Variants in ANXA8 observed in about 807,000 individuals in gnomAD.
ANXA8 encodes VAC-beta.
In ANXA8, 9 loss-of-function variants were observed where a neutral mutation model predicts 26.8. That is an observed-to-expected ratio of 0.34 (90% CI 0.20 to 0.59). The LOEUF is 0.59. Ranked by LOEUF, ANXA8 falls within the 20% of genes least tolerant of loss-of-function variation. ANXA8 has a pLI of 0.84. For missense variants in ANXA8, 83 were observed against 238.5 expected, an observed-to-expected ratio of 0.35 and a Z score of 4.29; for synonymous variants, 39 against 94.8, an observed-to-expected ratio of 0.41 and a Z score of 3.42.
At chr10:47,690,497 C>G in the ANXA8 span, 1 of 944,084 alleles carries the variant, frequency 1.1e-6, no homozygotes, top group South Asian at 1.6e-5. Context: ...AGGCGGAGTC[C>G]TGTAAATAAA....
At chr10:47,518,745 C>G in the ANXA8 span, among the ~76,000 whole-genome samples, 2 of 133,574 alleles carry the variant, frequency 1.5e-5, no homozygotes, top group African/African-American at 2.9e-5. Flanking sequence ...GTATACAAAC[C>G]TAATTGGACA....
chr10:47,594,260 A>AG, the ANXA8 span, among the ~76,000 whole-genome samples: 1 of 149,296 alleles, frequency 6.7e-6, no homozygotes, highest in East Asian at 1.9e-4. Flanking sequence ...GAGAACTCTG[A>AG]CTAATACAAA....
At chr10:47,679,475 C>A in the ANXA8 span, among the ~76,000 whole-genome samples, 6 of 151,906 alleles carry the variant, frequency 3.9e-5, no homozygotes, top group Admixed American at 3.9e-4. Context: ...GTTAGCTAAG[C>A]ATGGTGGCAC....
At chr10:47,898,811 ATT>A in the ANXA8 span, among the ~76,000 whole-genome samples, 318 of 55,918 alleles carry the variant, frequency 5.7e-3, no homozygotes, top group Admixed American at 8.2e-3. Flanking sequence ...AAGAGAATGG[ATT>A]TTTTTTTTTT....
chr10:47,669,239 T>C, the ANXA8 span, among the ~76,000 whole-genome samples: 1 of 151,234 alleles, frequency 6.6e-6, no homozygotes, highest in African/African-American at 2.4e-5. Flanking sequence ...CAGCCTTCTT[T>C]ATTTAGTGCT....
the ANXA8 span, among the ~76,000 whole-genome samples, chr10:47,515,816 C>T: frequency 1.1e-4 from 14 of 124,044 alleles, 3 homozygotes; most frequent in African/African-American, 3.9e-4. Flanking sequence ...CTGAGGTCTC[C>T]CAAATGAAAA....
chr10:47,967,299 T>C, the ANXA8 span, among the ~76,000 whole-genome samples: 1 of 151,254 alleles, frequency 6.6e-6, no homozygotes, highest in Admixed American at 6.6e-5. Context: ...GCACCCTTAT[T>C]TTTTTATTCA....
the ANXA8 span, among the ~76,000 whole-genome samples, chr10:47,575,225 A>G: frequency 7.0e-6 from 1 of 142,738 alleles, no homozygotes; most frequent in Admixed American, 7.1e-5. Flanking sequence ...AAAAGAAAGA[A>G]AGCAAGCAAG....
the ANXA8 span, among the ~76,000 whole-genome samples, chr10:47,643,553 A>G: frequency 2.0e-5 from 3 of 148,826 alleles, no homozygotes; most frequent in African/African-American, 7.8e-5. Flanking sequence ...TCAATCAATC[A>G]ATCAATAAAA....
At chr10:47,718,051 G>A in the ANXA8 span, among the ~76,000 whole-genome samples, 8 of 150,684 alleles carry the variant, frequency 5.3e-5, no homozygotes, top group South Asian at 8.4e-4. Flanking sequence ...GAGAGCAAGG[G>A]TTGAAAAACT....
chr10:47,628,014 C>G, the ANXA8 span, among the ~76,000 whole-genome samples: 1 of 150,406 alleles, frequency 6.6e-6, no homozygotes, highest in Admixed American at 6.6e-5. Context: ...CAATAATTAT[C>G]TGCTCTCCTA....
chr10:47,942,109 C>A, the ANXA8 span, among the ~76,000 whole-genome samples: 1 of 147,216 alleles, frequency 6.8e-6, no homozygotes, highest in Non-Finnish European at 1.5e-5. Context: ...GAAGCAACAC[C>A]CCTGGAGGGA....
At chr10:47,726,717 T>C in the ANXA8 span, 12 of 674,370 alleles carry the variant, frequency 1.8e-5, no homozygotes, top group Admixed American at 1.8e-4. Flanking sequence ...CATCCTAGAG[T>C]TGTTTTAAGC....
the ANXA8 span, among the ~76,000 whole-genome samples, chr10:47,603,515 CTTT>C: frequency 7.5e-6 from 1 of 133,866 alleles, no homozygotes; most frequent in African/African-American, 3.2e-5. Context: ...AATGTTCTTA[CTTT>C]TTTTTTTTTT....
At chr10:47,628,651 A>G in the ANXA8 span, among the ~76,000 whole-genome samples, 13 of 150,078 alleles carry the variant, frequency 8.7e-5, no homozygotes, top group Admixed American at 6.6e-4. Flanking sequence ...ATTAAATGCT[A>G]TAGGCTCACA....
At chr10:47,558,461 A>G in the ANXA8 span, among the ~76,000 whole-genome samples, 1 of 151,684 alleles carries the variant, frequency 6.6e-6, no homozygotes, top group Non-Finnish European at 1.5e-5. Flanking sequence ...CTACTAGCAC[A>G]GTTGACCAAA....
chr10:47,973,373 ATC>A, the ANXA8 span: 2 of 144,790 alleles, frequency 1.4e-5, no homozygotes, highest in African/African-American at 5.0e-5. Context: ...GTCATGGCAC[ATC>A]CCATGGAAAC....
chr10:47,570,304 C>T, the ANXA8 span, among the ~76,000 whole-genome samples: 1 of 132,702 alleles, frequency 7.5e-6, no homozygotes, highest in Admixed American at 8.1e-5. Flanking sequence ...TAATAAAATG[C>T]TTGCCCTATC....
the ANXA8 span, among the ~76,000 whole-genome samples, chr10:47,643,465 G>T: frequency 8.2e-5 from 12 of 146,960 alleles, no homozygotes; most frequent in Admixed American, 7.3e-4. Context: ...AGAGGCAGAG[G>T]TTGCAGTGAG....
Sources: allele counts gnomAD v4.1 joint callset (sites outside exome capture counted in the v4.1 genomes callset), GRCh38; gene constraint gnomAD v4.1.1; transcripts MANE v1.5; gene names NCBI Gene and HGNC (gene_info 2026-07-23, HGNC 2026-07-21).